Variants in MUC5AC observed in about 807,000 individuals in gnomAD.
MUC5AC encodes the protein mucin 5AC, oligomeric mucus/gel-forming.
Under a neutral mutation model 169.7 loss-of-function variants are expected in MUC5AC, and 158 were observed. The ratio of observed to expected loss-of-function variants is 0.93; its 90% CI spans 0.82 to 1.06. The LOEUF (loss-of-function observed/expected upper bound fraction) is 1.06. Ranked by LOEUF, MUC5AC falls within the 50% of genes least tolerant of loss-of-function variation. The pLI, the probability that MUC5AC is intolerant of heterozygous loss-of-function variation, is 0.00. For missense variants in MUC5AC, 4,359 were observed against 3,089.9 expected (o/e 1.41, Z -9.74); for synonymous variants, 1,975 against 1,237.0 (o/e 1.60, Z -12.52).
rs762753107 is a variant in MUC5AC, at chr11:1,168,938, G to A, written c.1782G>A (p.Ala594=). The change falls in exon 15 of 49, where the codon GCG becomes GCA. Residue 594 remains alanine (A), a synonymous_variant. Transcript: ENST00000621226. ...GTGGGGTGGTGGAGGCCACCGCTGC[G>A]GCCTTCTTCAACACCTTCAAGACCC... is the stretch of plus-strand genomic sequence containing the variant. The part of the protein sequence containing the change: ...TLSGVVEATA[A]AFFNTFKTQA... 10 of 1,611,460 alleles carry A rather than the reference G, an allele frequency of 6.2e-6. No homozygotes were observed. The highest frequency in any genetic ancestry group is 1.3e-5 in the African/African-American group (1 of 74,892).
intron 11 of MUC5AC, 115 bp downstream of exon 11, chr11:1,165,875 G>T: frequency 2.7e-6 from 4 of 1,456,506 alleles, no homozygotes; most frequent in Non-Finnish European, 3.7e-6. Context: ...ACCCTTGGGG[G>T]TCCCCGATGT....
chr11:1,165,853 GC>G, intron 11 of MUC5AC, 93 bp downstream of exon 11: 1 of 1,560,274 alleles, frequency 6.4e-7, no homozygotes, highest in Non-Finnish European at 8.7e-7. Flanking sequence ...TGTCACTGCT[GC>G]CCCTGGGGTC....
rs1460920782 is a variant in MUC5AC, at chr11:1,199,099, C to A, written c.16309C>A (p.Gln5437Lys). 1 of 764,666 alleles carries A rather than the reference C, an allele frequency of 1.3e-6. No individual in the cohort carries two copies. The highest frequency in any genetic ancestry group is 2.4e-6 in the Non-Finnish European group (1 of 417,704). The allele number at this position is 764,666 out of a possible 1,614,324, so 47.4% of individuals were successfully genotyped here. A position where few individuals can be genotyped will look rare whatever the true frequency, so the allele number is the denominator to read the frequency against. ...NTHCPVGFEY[Q>K]EQSGQCCGTC... Reference sequence around the variant, plus strand: ...ATCCCTCCCGCAGGGCTTCGAGTACCAGGAGCAGAGCGGGCAGTGCTGTGG... The same window carrying A: ...ATCCCTCCCGCAGGGCTTCGAGTACAAGGAGCAGAGCGGGCAGTGCTGTGG... The change falls in exon 45 of 49, where the codon CAG becomes AAG. Residue 5437 changes from glutamine to lysine, a missense_variant. Physicochemically the swap from Gln to Lys is moderately conservative, Grantham distance 53. Coordinates refer to ENST00000621226, the MANE Select transcript of MUC5AC (RefSeq NM_001304359.2).
chr11:1,189,501 G>T lies in MUC5AC; in HGVS notation c.11356G>T (p.Ala3786Ser). The T allele has an allele frequency of 1.7e-6, 1 of 578,714 alleles. No homozygotes were observed. Among genetic ancestry groups the T allele is most frequent in the East Asian group, 2.8e-5 (1 of 35,906 alleles). 35.8% of individuals were successfully genotyped at this position (578,714 alleles called of 1,614,324 possible). The change falls in exon 31 of 49, where the codon GCT becomes TCT. Residue 3786 changes from alanine to serine, a missense_variant. Ala to Ser is a moderately conservative substitution (Grantham distance 99). Coordinates refer to ENST00000621226, the MANE Select transcript of MUC5AC (RefSeq NM_001304359.2). ...TGCCCCTACAACTAGCACTACCTCT[G>T]CTCCCATAACCAGCACAATCTCTGC... ...TSAPTTSTTS[A>S]PITSTISAPT... is the part of the protein sequence containing the mutation.
chr11:1,192,731 T>A, intron 31 of MUC5AC, 52 bp from the exon 32 acceptor site: 1 of 706,456 alleles, frequency 1.4e-6, no homozygotes, highest in Non-Finnish European at 2.6e-6. Context: ...GTTTTTTGCT[T>A]CTCCTTTGAG....
intron 3 of MUC5AC, 76 bp from the exon 4 acceptor site, chr11:1,161,830 AG>A: frequency 1.3e-6 from 2 of 1,522,786 alleles, no homozygotes; most frequent in Non-Finnish European, 1.8e-6. Flanking sequence ...GAGGGGCAGG[AG>A]GTACAGGGCA....
rs1303361953 is a variant in MUC5AC, at chr11:1,188,279, T to C, written c.10134T>C (p.Pro3378=). The C allele has an allele frequency of 5.5e-3, 3,826 of 697,986 alleles. 114 individuals carry two copies. In the African/African-American group the frequency reaches 0.063, roughly 11 times the overall value. 43.2% of individuals were successfully genotyped at this position (697,986 alleles called of 1,614,324 possible). Residue 3378 remains proline, a synonymous_variant, in exon 31 of 49, where the codon CCT becomes CCC. Coordinates refer to ENST00000621226, the MANE Select transcript of MUC5AC (RefSeq NM_001304359.2). The part of the protein sequence containing the change: ...STPQTSTTSA[P]TTSTTSAPTT... Reference sequence around the variant, plus strand: ...CACAGACCAGCACAACCTCTGCTCCTACAACCAGCACAACCTCTGCTCCCA... The same window carrying C: ...CACAGACCAGCACAACCTCTGCTCCCACAACCAGCACAACCTCTGCTCCCA...
At chr11:1,199,206 A>C in intron 45 of MUC5AC, 21 bp downstream of exon 45, 2 of 754,616 alleles carry the variant, frequency 2.7e-6, no homozygotes, top group Non-Finnish European at 4.8e-6. Flanking sequence ...GCTGCCACAA[A>C]GAGGAAGGGC....
rs1861414674 is a variant in MUC5AC at position 1,200,920 on chromosome 11, G to GC, written c.*222dup. The GC allele has an allele frequency of 2.3e-6, 1 of 442,596 alleles. No homozygotes were observed. The highest frequency in any genetic ancestry group is 3.7e-5 in the Admixed American group (1 of 27,076). The allele number at this position is 442,596 out of a possible 1,614,324, so 27.4% of individuals were successfully genotyped here. A position where few individuals can be genotyped will look rare whatever the true frequency, so the allele number is the denominator to read the frequency against. ...CGCCTGCAGCCACCTCTCAGGACCA[G>GC]CCCCGGGGCTGGCCGAGCTCCTCTG... On this transcript the variant is annotated 3_prime_UTR_variant, in exon 49 of 49. Coordinates refer to ENST00000621226, the MANE Select transcript of MUC5AC (RefSeq NM_001304359.2).
At chr11:1,165,596 C>T (rs1389545961) in intron 10 of MUC5AC, 26 bp from the exon 11 acceptor site, 5 of 1,610,334 alleles carry the variant, frequency 3.1e-6, no homozygotes, top group Non-Finnish European at 4.2e-6. Flanking sequence ...GGCCGGCACC[C>T]ACGTGGCACC....
chr11:1,164,788 C>A (rs556564489), intron 9 of MUC5AC, among the ~76,000 whole-genome samples: 7 of 147,664 alleles, frequency 4.7e-5, no homozygotes, highest in South Asian at 2.1e-4. Flanking sequence ...CTGGCTGATG[C>A]CCCTGTCCCG....
At position 1,178,522 on chromosome 11, in the gene MUC5AC, G is replaced by T; in HGVS notation, c.3166G>T (p.Gly1056Trp). ...TGCCACGCGGAGCCGGTCTGTGGTG[G>T]GGGACGTGCTGGAGTTTGGGAACAG... Reference protein sequence around the residue: ...DFATRSRSVVGDVLEFGNSWK... With the variant: ...DFATRSRSVVWDVLEFGNSWK... Residue 1056 changes from glycine (G) to tryptophan (W), a missense_variant, in exon 25 of 49, where the codon GGG (glycine) becomes TGG (tryptophan). Transcript: ENST00000621226. The T allele has an allele frequency of 1.6e-6, 2 of 1,282,458 alleles. No individual in the cohort carries two copies. Among genetic ancestry groups the T allele is most frequent in the Non-Finnish European group, 2.1e-6 (2 of 975,308 alleles). 79.4% of individuals were successfully genotyped at this position (1,282,458 alleles called of 1,614,324 possible).
At position 1,164,149 on chromosome 11, in the gene MUC5AC, G is replaced by A; in HGVS notation, c.833G>A (p.Cys278Tyr). 1.2e-6 allele frequency: 2 copies of A among 1,612,436 alleles called. No homozygotes were observed. The highest frequency in any genetic ancestry group is 1.7e-6 in the Non-Finnish European group (2 of 1,179,878). ...ELLHGQLFSGCVALVDVGSYL... is the reference protein window; with the variant it reads ...ELLHGQLFSGYVALVDVGSYL... ...CTGCACGGCCAGCTGTTCTCTGGCT[G>A]CGTGGCCCTGGTGGACGTCGGCAGC... Residue 278 changes from cysteine (C) to tyrosine (Y), a missense_variant, in exon 8 of 49, where the codon TGC (cysteine) becomes TAC (tyrosine). Cys to Tyr is a radical substitution (Grantham distance 194, BLOSUM62 -2). Transcript: ENST00000621226.
At chr11:1,180,243 C>A (rs1041146006) in intron 27 of MUC5AC, 93 bp downstream of exon 27, 15 of 398,476 alleles carry the variant, frequency 3.8e-5, no homozygotes, top group Middle Eastern at 6.2e-4. Context: ...CAGCTTCCAG[C>A]ACATTCTGGT....
intron 14 of MUC5AC, 29 bp downstream of exon 14, chr11:1,168,808 C>A: frequency 6.3e-7 from 1 of 1,582,814 alleles, no homozygotes. Context: ...GGGCTTGGAG[C>A]CCACCCACTC....
At chr11:1,178,245 C>T (rs1860733107) in intron 24 of MUC5AC, among the ~76,000 whole-genome samples, 199 bp from the exon 25 acceptor site, 1 of 152,218 alleles carries the variant, frequency 6.6e-6, no homozygotes, top group Non-Finnish European at 1.5e-5. Flanking sequence ...TGCTCAGCTG[C>T]ACTGCCCGGG....
At chr11:1,163,631 C>G (rs1464517180) in intron 6 of MUC5AC, among the ~76,000 whole-genome samples, 2 of 152,168 alleles carry the variant, frequency 1.3e-5, no homozygotes, top group Admixed American at 1.3e-4. Flanking sequence ...CGGCGGCACC[C>G]TGTGGCCCGG....
chr11:1,200,806 G>A lies in MUC5AC; in HGVS notation c.*104G>A, dbSNP rs903197327. 3.2e-5 allele frequency: 21 copies of A among 658,636 alleles called. No individual in the cohort carries two copies. Among genetic ancestry groups the A allele is most frequent in the Non-Finnish European group, 5.5e-5 (20 of 364,686 alleles). 40.8% of individuals were successfully genotyped at this position (658,636 alleles called of 1,614,324 possible). A position where few individuals can be genotyped will look rare whatever the true frequency, so the allele number is the denominator to read the frequency against. On this transcript the variant is annotated 3_prime_UTR_variant, in exon 49 of 49. Coordinates refer to ENST00000621226, the MANE Select transcript of MUC5AC (RefSeq NM_001304359.2). ...TTGTGCCCCTGTCCAGGCGGCTGCAGCTTTGAACACACTGTCCACGCCCGC... is the reference window on the plus strand; with the variant it reads ...TTGTGCCCCTGTCCAGGCGGCTGCAACTTTGAACACACTGTCCACGCCCGC...
rs1291641370 is a variant in MUC5AC, at chr11:1,190,192, G to T, written c.12047G>T (p.Gly4016Val). The T allele has an allele frequency of 1.3e-6, 1 of 764,016 alleles. No homozygotes were observed. Among genetic ancestry groups the T allele is most frequent in the East Asian group, 2.4e-5 (1 of 41,234 alleles). The allele number at this position is 764,016 out of a possible 1,614,324, so 47.3% of individuals were successfully genotyped here. The change falls in exon 31 of 49, where the codon GGC becomes GTC. Residue 4016 changes from glycine to valine, a missense_variant. By Grantham distance (109) the Gly-to-Val change is moderately radical. Coordinates refer to ENST00000621226, the MANE Select transcript of MUC5AC (RefSeq NM_001304359.2). ...CCGGAGGTGAGCATCGAACACCTGGGCCAGGTGGTGCAGTGCAGCCGGGAA... is the reference window on the plus strand; with the variant it reads ...CCGGAGGTGAGCATCGAACACCTGGTCCAGGTGGTGCAGTGCAGCCGGGAA... ...SHPEVSIEHL[G>V]QVVQCSREEG... is the part of the protein sequence containing the mutation.
Sources: gnomAD v4.1 joint callset for allele counts (sites outside exome capture counted in the v4.1 genomes callset) on GRCh38, gnomAD v4.1.1 for gene constraint, MANE v1.5 for transcripts, NCBI Gene and HGNC (gene_info 2026-07-23, HGNC 2026-07-21) for gene names.